The following CNTN5 variants were observed in gnomAD, a reference collection of about 807,000 sequenced individuals.
CNTN5 encodes the protein contactin-5.
In CNTN5, 77 loss-of-function variants were observed where a neutral mutation model predicts 129.1. That is an observed-to-expected ratio of 0.60 (90% confidence interval 0.50 to 0.72). The LOEUF is 0.72. CNTN5 is among the 30% of genes least tolerant of loss of function. The pLI is 0.00. For synonymous variants in CNTN5, 509 were observed against 465.6 expected (o/e 1.09, Z -1.20); for missense variants, 1,478 against 1,328.8 (o/e 1.11, Z -1.75).
At chr11:99,985,010 G>T (rs950919847) in intron 8 of CNTN5, among the ~76,000 whole-genome samples, 6 of 152,166 alleles carry the variant, frequency 3.9e-5, no homozygotes, top group Admixed American at 2.0e-4. Flanking sequence ...CTGCGGCAGT[G>T]CCCAGGTGAG....
chr11:99,917,033 A>T (rs993079866), intron 7 of CNTN5, among the ~76,000 whole-genome samples: 4 of 152,052 alleles, frequency 2.6e-5, no homozygotes, highest in Non-Finnish European at 5.9e-5. Context: ...ATTTGGCTCT[A>T]CTGTACATAT....
intron 1 of CNTN5, among the ~76,000 whole-genome samples, chr11:99,212,060 T>A: frequency 1.3e-5 from 2 of 152,322 alleles, no homozygotes; most frequent in East Asian, 3.9e-4. Context: ...ACAATGAAAC[T>A]TTTTGTTTGA....
At chr11:99,395,431 C>T (rs1421068032) in intron 2 of CNTN5, among the ~76,000 whole-genome samples, 1 of 151,860 alleles carries the variant, frequency 6.6e-6, no homozygotes, top group Non-Finnish European at 1.5e-5. Context: ...CTTATAGATG[C>T]TGGACGCTAG....
chr11:99,807,364 CA>C (rs1946304571), intron 3 of CNTN5, among the ~76,000 whole-genome samples: 1 of 152,110 alleles, frequency 6.6e-6, no homozygotes, highest in Admixed American at 6.6e-5. Flanking sequence ...GATTTATGTA[CA>C]GGGGTATTCC....
At chr11:100,274,053 G>A (rs1459538853) in intron 18 of CNTN5, among the ~76,000 whole-genome samples, 1 of 152,074 alleles carries the variant, frequency 6.6e-6, no homozygotes, top group African/African-American at 2.4e-5. Context: ...AATAGAGAGT[G>A]CAGAAATATG....
At chr11:99,856,104 A>C (rs1327457830) in intron 6 of CNTN5, among the ~76,000 whole-genome samples, 2 of 152,184 alleles carry the variant, frequency 1.3e-5, no homozygotes, top group Non-Finnish European at 2.9e-5. Flanking sequence ...GTTGTGCAGA[A>C]GGGCTTTAGC....
At chr11:100,154,515 T>C (rs186153738) in intron 13 of CNTN5, among the ~76,000 whole-genome samples, 6 of 152,290 alleles carry the variant, frequency 3.9e-5, no homozygotes, top group Admixed American at 2.0e-4. Flanking sequence ...TAGAATGTGT[T>C]ATAATGCTTT....
At chr11:99,319,381 G>T (rs767345985) in intron 1 of CNTN5, among the ~76,000 whole-genome samples, 3 of 152,116 alleles carry the variant, frequency 2.0e-5, no homozygotes, top group African/African-American at 7.2e-5. Context: ...TTCTTCAGGT[G>T]GAAGTCACCT....
intron 9 of CNTN5, among the ~76,000 whole-genome samples, chr11:100,053,705 G>C (rs1943080333): frequency 6.6e-6 from 1 of 151,658 alleles, no homozygotes; most frequent in Admixed American, 6.6e-5. Flanking sequence ...GTACATTCTA[G>C]AATTTCTATG....
chr11:99,848,311 C>G lies in CNTN5; in HGVS notation c.577+3049C>G, dbSNP rs75977131. ...AGGTCAATATATTTAATAGAATATA[C>G]TCACTGTTGCTGGAGTGTTTAATGT... On this transcript the variant is annotated intron_variant, in intron 6 of 24. Coordinates refer to ENST00000524871, the MANE Select transcript of CNTN5 (RefSeq NM_014361.4). 7.0e-3 allele frequency among the ~76,000 whole-genome samples: 1,065 copies of G among 152,242 alleles called. 11 individuals carry two copies. The highest frequency in any genetic ancestry group is 0.024 in the African/African-American group (998 of 41,528).
chr11:99,180,370 C>A (rs535900381), intron 1 of CNTN5, among the ~76,000 whole-genome samples: 2 of 152,150 alleles, frequency 1.3e-5, no homozygotes, highest in Non-Finnish European at 2.9e-5. Context: ...TGTGCACAGG[C>A]GAGGAGAGGT....
At chr11:99,478,248 G>A (rs2656155) in intron 2 of CNTN5, among the ~76,000 whole-genome samples, 1 of 152,094 alleles carries the variant, frequency 6.6e-6, no homozygotes, top group Non-Finnish European at 1.5e-5. Context: ...TGAAGACTCA[G>A]TTGGAAAGGG....
At chr11:100,322,609 A>G (rs2138964859) in intron 21 of CNTN5, among the ~76,000 whole-genome samples, 1 of 152,292 alleles carries the variant, frequency 6.6e-6, no homozygotes, top group East Asian at 1.9e-4. Context: ...GGTTGTTTCC[A>G]GTTGGGTCTG....
chr11:100,031,684 T>C (rs1941714719), intron 9 of CNTN5, among the ~76,000 whole-genome samples: 1 of 152,214 alleles, frequency 6.6e-6, no homozygotes, highest in African/African-American at 2.4e-5. Context: ...AATCATAGGT[T>C]ATGGAAAGAC....
intron 1 of CNTN5, among the ~76,000 whole-genome samples, chr11:99,292,049 A>G (rs1864190923): frequency 6.6e-6 from 1 of 152,070 alleles, no homozygotes; most frequent in African/African-American, 2.4e-5. Flanking sequence ...TGAGCAGGAA[A>G]GTGCTCCCAG....
intron 2 of CNTN5, among the ~76,000 whole-genome samples, chr11:99,431,287 T>C (rs1011892498): frequency 6.6e-6 from 1 of 152,022 alleles, no homozygotes; most frequent in Non-Finnish European, 1.5e-5. Context: ...GTACTTAATA[T>C]AGAAACGGGG....
At chr11:99,724,350 T>C (rs1179425280) in intron 3 of CNTN5, among the ~76,000 whole-genome samples, 1 of 152,176 alleles carries the variant, frequency 6.6e-6, no homozygotes, top group African/African-American at 2.4e-5. Flanking sequence ...GTTGTATCCA[T>C]GTCTCAAGTT....
chr11:100,107,457 G>A (rs1266608462), intron 13 of CNTN5, among the ~76,000 whole-genome samples: 1 of 149,996 alleles, frequency 6.7e-6, no homozygotes, highest in African/African-American at 2.5e-5. Flanking sequence ...AGAATCACAG[G>A]CTTATTTCCA....
At position 100,255,886 on chromosome 11, in the gene CNTN5, C is replaced by G; in HGVS notation, c.2132C>G (p.Pro711Arg). The G allele has an allele frequency of 6.2e-7, 1 of 1,613,928 alleles. No individual in the cohort carries two copies. Among genetic ancestry groups the G allele is most frequent in the African/African-American group, 1.3e-5 (1 of 75,024 alleles). The change falls in exon 17 of 25, where the codon CCA becomes CGA. Residue 711 changes from proline to arginine, a missense_variant. Physicochemically the swap from Pro to Arg is moderately radical, Grantham distance 103. Coordinates refer to ENST00000524871, the MANE Select transcript of CNTN5 (RefSeq NM_014361.4). ...TCCTACAACCTTCAAGCTCGCAGCC[C>G]ATTTTCCCTGGGCTGGCAAACAGTA... Reference protein sequence around the residue: ...ISSYNLQARSPFSLGWQTVKT... With the variant: ...ISSYNLQARSRFSLGWQTVKT...
Sources: gnomAD v4.1 joint callset for allele counts (sites outside exome capture counted in the v4.1 genomes callset) on GRCh38, gnomAD v4.1.1 for gene constraint, MANE v1.5 for transcripts, NCBI Gene and HGNC (gene_info 2026-07-23, HGNC 2026-07-21) for gene names.